The following FBN1 variants were observed in gnomAD, a reference collection of about 807,000 sequenced individuals.
FBN1 encodes the protein fibrillin-1.
Under a neutral mutation model 365.1 loss-of-function variants are expected in FBN1, and 29 were observed. The ratio of observed to expected loss-of-function variants is 0.08; its 90% CI spans 0.06 to 0.11. The LOEUF (loss-of-function observed/expected upper bound fraction) is 0.11, where lower values mean the gene tolerates loss of function less well. Ranked by LOEUF, FBN1 falls within the 10% of genes least tolerant of loss-of-function variation. FBN1 has a pLI of 1.00. For synonymous variants in FBN1, 1,210 were observed against 1,270.5 expected (o/e 0.95, Z 1.01); for missense variants, 2,476 against 3,703.2 (o/e 0.67, Z 8.60).
chr15:48,632,216 G>C (rs1178936531), intron 2 of FBN1, among the ~76,000 whole-genome samples: 2 of 152,124 alleles, frequency 1.3e-5, no homozygotes, highest in Non-Finnish European at 2.9e-5. Flanking sequence ...TAAAATTCAG[G>C]TTTGCCTCCT....
intron 21 of FBN1, 34 bp from the exon 22 acceptor site, chr15:48,495,294 A>G (rs377509554): frequency 5.0e-5 from 81 of 1,610,506 alleles, no homozygotes; most frequent in Non-Finnish European, 6.8e-5. Flanking sequence ...AATAGAATCT[A>G]TATAAAAATT....
chr15:48,623,782 G>C (rs1245316426), intron 2 of FBN1, among the ~76,000 whole-genome samples: 1 of 152,170 alleles, frequency 6.6e-6, no homozygotes, highest in African/African-American at 2.4e-5. Context: ...CAGCACAAAG[G>C]TGTTGCATCA....
At position 48,505,046 on chromosome 15, in the gene FBN1, G is replaced by C; in HGVS notation, c.1939C>G (p.Leu647Val). ...CECFPGLAVGLDGRVCVDTHM... is the reference protein window; with the variant it reads ...CECFPGLAVGVDGRVCVDTHM... ...TTACCAACACACACACGGCCATCCA[G>C]ACCCACAGCCAGTCCAGGGAAGCAT... The change falls in exon 16 of 66, where the codon CTG (leucine) becomes GTG (valine). Residue 647 changes from leucine to valine, a missense_variant. Leu to Val is a conservative substitution (Grantham distance 32). Transcript: ENST00000316623. 6.2e-7 allele frequency: 1 copy of C among 1,614,136 alleles called. No individual in the cohort carries two copies. The highest frequency in any genetic ancestry group is 8.5e-7 in the Non-Finnish European group (1 of 1,180,014).
chr15:48,503,989 G>C, intron 16 of FBN1, 50 bp from the exon 17 acceptor site: 1 of 1,609,454 alleles, frequency 6.2e-7, no homozygotes, highest in Non-Finnish European at 8.5e-7. Flanking sequence ...AAACAGATGA[G>C]AACCCCCCAA....
chr15:48,594,341 T>C (rs933256143), intron 6 of FBN1, among the ~76,000 whole-genome samples: 7 of 152,220 alleles, frequency 4.6e-5, no homozygotes. Context: ...GCCTGCCTTC[T>C]GCTCTCCAGT....
Position 48,415,527 on chromosome 15 carries a change from A to G in FBN1, c.8051+9T>C. 6.3e-7 allele frequency: 1 copy of G among 1,593,866 alleles called. No homozygotes were observed. Among genetic ancestry groups the G allele is most frequent in the East Asian group, 2.2e-5 (1 of 44,768 alleles). On this transcript the variant is annotated intron_variant, in intron 64 of 65. Transcript: ENST00000316623. The stretch of plus-strand genomic sequence containing the variant: ...ATCTCCAACCATGACCAGGAAGAGC[A>G]CTGCTTACCCTTGGCCTATGCGGAA...
intron 15 of FBN1, among the ~76,000 whole-genome samples, chr15:48,506,742 C>T (rs1288084125): frequency 6.6e-6 from 1 of 152,144 alleles, no homozygotes; most frequent in African/African-American, 2.4e-5. Context: ...ACTAAGTGCT[C>T]AGGGCTAGGA....
intron 4 of FBN1, among the ~76,000 whole-genome samples, chr15:48,600,836 T>C (rs1413203806): frequency 6.6e-6 from 1 of 152,230 alleles, no homozygotes; most frequent in Non-Finnish European, 1.5e-5. Flanking sequence ...CAAGAAAGTA[T>C]TGCCTTGAGT....
Position 48,467,925 on chromosome 15 carries a change from G to A in FBN1, c.4747+13C>T, listed in dbSNP as rs572223925. The A allele has an allele frequency of 6.2e-7, 1 of 1,608,188 alleles. No individual in the cohort carries two copies. Among genetic ancestry groups the A allele is most frequent in the South Asian group, 1.1e-5 (1 of 90,950 alleles). On this transcript the variant is annotated intron_variant, in intron 38 of 65. Transcript: ENST00000316623. ...GAGTTGAAATAATAATAAATAGGAG[G>A]ATGTCCACTTACATGTGTTCACAGC... is the stretch of plus-strand genomic sequence containing the variant.
intron 37 of FBN1, 31 bp from the exon 38 acceptor site, chr15:48,468,133 A>G (rs1041010253): frequency 6.2e-7 from 1 of 1,613,482 alleles, no homozygotes. Flanking sequence ...CAAAAGCATC[A>G]GGCAGAATCT....
intron 17 of FBN1, among the ~76,000 whole-genome samples, chr15:48,500,081 T>C (rs1285313573): frequency 6.6e-6 from 1 of 152,222 alleles, no homozygotes; most frequent in East Asian, 1.9e-4. Flanking sequence ...TGATTTAATT[T>C]TCAAACCATC....
At chr15:48,608,793 C>T (rs2044633473) in intron 4 of FBN1, among the ~76,000 whole-genome samples, 2 of 152,172 alleles carry the variant, frequency 1.3e-5, no homozygotes, top group South Asian at 2.1e-4. Context: ...CTACTATACT[C>T]GTCACACCCC....
At position 48,505,191 on chromosome 15, in the gene FBN1, T is replaced by C. The variant is rs767312444; in HGVS notation, c.1838-44A>G. ...CTTATTAAAAATGAAGTGACATTTA[T>C]CTAAAATTATAACATGTTGACAATT... is the stretch of plus-strand genomic sequence containing the variant. On this transcript the variant is annotated intron_variant, in intron 15 of 65. Coordinates refer to ENST00000316623, the MANE Select transcript of FBN1 (RefSeq NM_000138.5). 3.7e-6 allele frequency: 6 copies of C among 1,612,308 alleles called. No individual in the cohort carries two copies. The South Asian group carries it at 5.5e-5, about 15-fold the overall frequency.
At chr15:48,612,272 T>C (rs546938746) in intron 3 of FBN1, among the ~76,000 whole-genome samples, 1 of 152,298 alleles carries the variant, frequency 6.6e-6, no homozygotes, top group South Asian at 2.1e-4. Flanking sequence ...AGTGAGAAGG[T>C]GAACTAAGTG....
rs571854425 is a variant in FBN1 at position 48,425,101 on chromosome 15, G to A, written c.7453+268C>T. Among the ~76,000 whole-genome samples the A allele has an allele frequency of 2.0e-5, 3 of 152,340 alleles. No individual in the cohort carries two copies. The South Asian group carries it at 6.2e-4, about 32-fold the overall frequency. ...CTGCCCCACCAGAGCCATTGAAGCT[G>A]GCCCTGCTATCTCTGAGACAGTCAT... On this transcript the variant is annotated intron_variant, in intron 60 of 65. Coordinates refer to ENST00000316623, the MANE Select transcript of FBN1 (RefSeq NM_000138.5).
chr15:48,496,517 T>C (rs2043609904), intron 19 of FBN1, among the ~76,000 whole-genome samples: 1 of 152,198 alleles, frequency 6.6e-6, no homozygotes, highest in African/African-American at 2.4e-5. Flanking sequence ...CTGGAAATCA[T>C]TAATCTTTAT....
At chr15:48,569,431 A>G (rs958384868) in intron 6 of FBN1, among the ~76,000 whole-genome samples, 2 of 152,158 alleles carry the variant, frequency 1.3e-5, no homozygotes, top group African/African-American at 4.8e-5. Context: ...AAAGTTAAAT[A>G]TAAACTTGGC....
intron 34 of FBN1, among the ~76,000 whole-genome samples, chr15:48,473,843 T>C (rs1335905799): frequency 6.6e-6 from 1 of 151,972 alleles, no homozygotes; most frequent in Non-Finnish European, 1.5e-5. Context: ...GCTAGGCATA[T>C]AAAAGGAAGT....
intron 3 of FBN1, 41 bp from the exon 4 acceptor site, chr15:48,610,867 A>G (rs1438978045): frequency 6.4e-7 from 1 of 1,550,858 alleles, no homozygotes; most frequent in Non-Finnish European, 8.9e-7. Context: ...TGGATTTGGA[A>G]CACGATTTGT....
Sources: allele counts gnomAD v4.1 joint callset (sites outside exome capture counted in the v4.1 genomes callset), GRCh38; gene constraint gnomAD v4.1.1; transcripts MANE v1.5; gene names NCBI Gene and HGNC (gene_info 2026-07-23, HGNC 2026-07-21).